Variants in HAUS7 observed in about 807,000 individuals in gnomAD.
HAUS7 encodes the protein HAUS augmin like complex subunit 7, also known as HAUS augmin-like complex subunit 7.
A neutral mutation model predicts 28.4 loss-of-function variants in HAUS7; 3 were observed. The ratio of observed to expected loss-of-function variants is 0.11; its 90% CI spans 0.05 to 0.27. The LOEUF (loss-of-function observed/expected upper bound fraction) is 0.27, where lower values mean the gene tolerates loss of function less well. HAUS7 is among the 10% of genes least tolerant of loss of function. The probability of loss-of-function intolerance (pLI) is 1.00; values close to 1 mark genes in which losing one functional copy is unlikely to be tolerated. For synonymous variants in HAUS7, 165 were observed against 132.1 expected (o/e 1.25, Z -1.71); for missense variants, 284 against 297.3 (o/e 0.96, Z 0.33).
chrX:153,469,124 G>A, intron 2 of HAUS7, 22 bp downstream of exon 2: 1 of 928,422 alleles, frequency 1.1e-6, no homozygotes, highest in Non-Finnish European at 1.6e-6. Flanking sequence ...CAGGTGGGAA[G>A]AGGAAGAAAC....
chrX:153,486,405 C>T lies in HAUS7; in HGVS notation c.-589+8969G>A, dbSNP rs1602960398. Among the ~76,000 whole-genome samples, 5 of 112,428 alleles carry T rather than the reference C, an allele frequency of 4.4e-5. No homozygotes were observed. In the South Asian group the frequency reaches 1.5e-3, roughly 33 times the overall value. On this transcript the variant is annotated intron_variant, in intron 1 of 5. Transcript: ENST00000370210. ...ATGCTGGCAGGGCTCCAGCCTGGAG[C>T]GACAAGGGCTGGGGCTGGAGGCCTG... is the stretch of plus-strand genomic sequence containing the variant.
chrX:153,463,765 G>T (rs1014627231), intron 3 of HAUS7, among the ~76,000 whole-genome samples: 3 of 112,830 alleles, frequency 2.7e-5, no homozygotes, highest in Non-Finnish European at 3.8e-5. Context: ...CCCACCTGGG[G>T]CCCTGTGCGC....
intron 2 of HAUS7, among the ~76,000 whole-genome samples, chrX:153,468,123 G>A (rs981502277): frequency 1.8e-5 from 2 of 112,330 alleles, no homozygotes; most frequent in Admixed American, 9.3e-5. Flanking sequence ...GAACAGCAAG[G>A]GCTCAAACAC....
intron 9 of HAUS7, among the ~76,000 whole-genome samples, chrX:153,449,227 GCATTGA>G (rs1244668815): frequency 3.6e-5 from 4 of 112,210 alleles, no homozygotes; most frequent in Admixed American, 9.4e-5. Context: ...GAAGTCATTA[GCATTGA>G]CATTAAGTGC....
At chrX:153,488,472 C>T (rs782716497) in intron 1 of HAUS7, among the ~76,000 whole-genome samples, 1 of 113,085 alleles carries the variant, frequency 8.8e-6, no homozygotes, top group Admixed American at 9.2e-5. Flanking sequence ...CCCCTGCCCC[C>T]ACCCCTGAGT....
chrX:153,468,334 C>T (rs1373894102), intron 2 of HAUS7, among the ~76,000 whole-genome samples: 1 of 112,323 alleles, frequency 8.9e-6, no homozygotes, highest in Non-Finnish European at 1.9e-5. Flanking sequence ...CCTGGACTCA[C>T]GAGAGGCTCC....
intron 9 of HAUS7, among the ~76,000 whole-genome samples, chrX:153,448,368 G>A (rs374909551): frequency 0.024 from 2,116 of 87,178 alleles, 89 homozygotes; most frequent in African/African-American, 0.089. Context: ...CACAGGAAGG[G>A]GAACATCACA....
chrX:153,447,850 TTTGGCG>T lies in HAUS7; in HGVS notation c.*22_*27del, dbSNP rs782599157. 8 of 1,164,383 alleles carry T rather than the reference TTTGGCG, an allele frequency of 6.9e-6. No individual in the cohort carries two copies. The highest frequency in any genetic ancestry group is 9.4e-6 in the Non-Finnish European group (8 of 851,591). On this transcript the variant is annotated 3_prime_UTR_variant, in exon 10 of 10. Coordinates refer to ENST00000370211, the MANE Select transcript of HAUS7 (RefSeq NM_001385482.1). Reference sequence around the variant, plus strand: ...GCTTCCTGCCCGCCCCATCCTGTGCTTTGGCGTAGGCCATCACTGAAGACTTTCTAT... The same window carrying T: ...GCTTCCTGCCCGCCCCATCCTGTGCTTAGGCCATCACTGAAGACTTTCTAT...
chrX:153,458,136 G>A (rs1346287162), intron 4 of HAUS7, among the ~76,000 whole-genome samples: 6 of 113,302 alleles, frequency 5.3e-5, no homozygotes, highest in African/African-American at 1.9e-4. Context: ...GCAGGCGGGG[G>A]CAATGATAAG....
upstream of HAUS7, chrX:153,470,710 GC>G: frequency 1.2e-6 from 1 of 851,398 alleles, no homozygotes; most frequent in Non-Finnish European, 1.6e-6. Flanking sequence ...GCCTGCGCGG[GC>G]CCCGGGCTCC....
chrX:153,494,497 C>T (rs1222537025), intron 1 of HAUS7, among the ~76,000 whole-genome samples: 1 of 112,311 alleles, frequency 8.9e-6, no homozygotes, highest in East Asian at 2.8e-4. Flanking sequence ...AAACCACCTC[C>T]TTGCTTAGGC....
In HAUS7 at chrX:153,470,395, G is replaced by A. The variant is rs1602944141; in HGVS notation, c.108+55C>T. 3.4e-6 allele frequency: 4 copies of A among 1,164,040 alleles called. No homozygotes were observed. In the East Asian group the frequency reaches 1.2e-4, roughly 36 times the overall value. On this transcript the variant is annotated intron_variant, in intron 1 of 9. Coordinates refer to ENST00000370211, the MANE Select transcript of HAUS7 (RefSeq NM_001385482.1). ...TCCGCAGCAAGCCCTCCCGGGCCTCGGGCGGGGCCCTCCCCGGTCCCCCGC... is the reference window on the plus strand; with the variant it reads ...TCCGCAGCAAGCCCTCCCGGGCCTCAGGCGGGGCCCTCCCCGGTCCCCCGC...
chrX:153,486,793 G>A, intron 1 of HAUS7: 2 of 982,948 alleles, frequency 2.0e-6, no homozygotes, highest in Non-Finnish European at 2.6e-6. Context: ...CCAGCGGCGG[G>A]GGGAGGAGGG....
At chrX:153,451,114 G>T (rs943369546) in intron 9 of HAUS7, among the ~76,000 whole-genome samples, 1 of 112,189 alleles carries the variant, frequency 8.9e-6, no homozygotes, top group African/African-American at 3.2e-5. Context: ...CAAGGGTGAA[G>T]AGACACTTCC....
intron 1 of HAUS7, among the ~76,000 whole-genome samples, chrX:153,490,425 TTCC>T: frequency 8.9e-6 from 1 of 112,963 alleles, no homozygotes. Context: ...ACTGGGAAGC[TTCC>T]AGAGAGTGGA....
At chrX:153,477,536 G>T (rs782059456) in intron 1 of HAUS7, among the ~76,000 whole-genome samples, 2 of 112,873 alleles carry the variant, frequency 1.8e-5, no homozygotes, top group Non-Finnish European at 3.8e-5. Flanking sequence ...ATGGGGGGTC[G>T]ACTGTGCTCT....
intron 1 of HAUS7, chrX:153,483,222 G>A (rs1186031122): frequency 1.6e-6 from 1 of 614,681 alleles, no homozygotes; most frequent in Non-Finnish European, 2.0e-6. Flanking sequence ...GCAGAGAATG[G>A]GCACAGCCAG....
chrX:153,453,286 G>A (rs1419521790), intron 9 of HAUS7, among the ~76,000 whole-genome samples: 1 of 111,687 alleles, frequency 9.0e-6, no homozygotes, highest in Non-Finnish European at 1.9e-5. Flanking sequence ...ATGGGGAATG[G>A]CTGCTAATCA....
chrX:153,483,385 G>A (rs2089613797), intron 1 of HAUS7: 1 of 755,724 alleles, frequency 1.3e-6, no homozygotes. Flanking sequence ...GCGTGCTGGT[G>A]CTCAGCCACA....
Sources: allele counts gnomAD v4.1 joint callset (sites outside exome capture counted in the v4.1 genomes callset), GRCh38; gene constraint gnomAD v4.1.1; transcripts MANE v1.5; gene names NCBI Gene and HGNC (gene_info 2026-07-23, HGNC 2026-07-21).